UNC119: variants seen among roughly 807,000 people sequenced by gnomAD.
UNC119 encodes the protein unc-119 lipid binding chaperone, also known as protein unc-119 homolog A.
A neutral mutation model predicts 22.6 loss-of-function variants in UNC119; 15 were observed. The observed-to-expected ratio is 0.66, with a 90% CI of 0.44 to 1.02. The LOEUF (loss-of-function observed/expected upper bound fraction) is 1.02, where lower values mean the gene tolerates loss of function less well. UNC119 is among the 50% of genes least tolerant of loss of function. UNC119 has a pLI of 0.00. For synonymous variants in UNC119, 138 were observed against 139.4 expected, an observed-to-expected ratio of 0.99 and a Z score of 0.07; for missense variants, 322 against 336.0, an observed-to-expected ratio of 0.96 and a Z score of 0.33.
Position 28,548,675 on chromosome 17 carries a change from T to A in UNC119, c.251A>T (p.Tyr84Phe), listed in dbSNP as rs1307005588. Residue 84 changes from tyrosine (Y) to phenylalanine (F), a missense_variant, in exon 2 of 5, where the codon TAC (tyrosine) becomes TTC (phenylalanine). Coordinates refer to ENST00000335765, the MANE Select transcript of UNC119 (RefSeq NM_005148.4). ...DYLCSPEENI[Y>F]KIDFVRFKIR... ...CTTAAACCTGACAAAGTCGATCTTGTAGATATTCTCCTCAGGGGAGCAGAG... is the reference window on the plus strand; with the variant it reads ...CTTAAACCTGACAAAGTCGATCTTGAAGATATTCTCCTCAGGGGAGCAGAG... 2.5e-6 allele frequency: 4 copies of A among 1,614,146 alleles called. No individual in the cohort carries two copies. Among genetic ancestry groups the A allele is most frequent in the Non-Finnish European group, 3.4e-6 (4 of 1,180,006 alleles).
At chr17:28,547,544 G>A in intron 4 of UNC119, 133 bp downstream of exon 4, 1 of 1,591,780 alleles carries the variant, frequency 6.3e-7, no homozygotes, top group Non-Finnish European at 8.5e-7. Context: ...CGGATGATAT[G>A]GGAATGGTGG....
At position 28,552,328 on chromosome 17, in the gene UNC119, G is replaced by C. The variant is rs1472258898; in HGVS notation, c.220+10C>G. On this transcript the variant is annotated intron_variant, in intron 1 of 4. Transcript: ENST00000335765. ...CCACCCGCGGGCGGCGCTCCCTCGCGGGTGCTCACCACCGGTGATCCGCTG... is the reference window on the plus strand; with the variant it reads ...CCACCCGCGGGCGGCGCTCCCTCGCCGGTGCTCACCACCGGTGATCCGCTG... The C allele has an allele frequency of 6.5e-7, 1 of 1,532,700 alleles. No homozygotes were observed. Among genetic ancestry groups the C allele is most frequent in the Non-Finnish European group, 8.7e-7 (1 of 1,145,430 alleles). The allele number at this position is 1,532,700 out of a possible 1,614,324, so 94.9% of individuals were successfully genotyped here.
In UNC119 at chr17:28,552,338, C is replaced by T; in HGVS notation, c.220G>A (p.Asp74Asn). The change falls in exon 1 of 5, where the codon GAC becomes AAC. Residue 74 changes from aspartate (D) to asparagine (N), a missense_variant and splice_region_variant. By Grantham distance (23) the Asp-to-Asn change is conservative. Coordinates refer to ENST00000335765, the MANE Select transcript of UNC119 (RefSeq NM_005148.4). ...GCGGCGCTCCCTCGCGGGTGCTCACCACCGGTGATCCGCTGCAGCCCCAGC... is the reference window on the plus strand; with the variant it reads ...GCGGCGCTCCCTCGCGGGTGCTCACTACCGGTGATCCGCTGCAGCCCCAGC... ...DVLGLQRITG[D>N]YLCSPEENIY... 1 of 1,535,332 alleles carries T rather than the reference C, an allele frequency of 6.5e-7. No homozygotes were observed. Among genetic ancestry groups the T allele is most frequent in the Non-Finnish European group, 8.7e-7 (1 of 1,146,996 alleles).
At position 28,552,620 on chromosome 17, in the gene UNC119, G is replaced by T; in HGVS notation, c.-63C>A. On this transcript the variant is annotated 5_prime_UTR_variant, in exon 1 of 5. Transcript: ENST00000335765. ...GCTGCCTGCGCCGGCTGGAGCCGGGGGAAGTGGGAGCATCCGCAGCCCCGC... is the reference window on the plus strand; with the variant it reads ...GCTGCCTGCGCCGGCTGGAGCCGGGTGAAGTGGGAGCATCCGCAGCCCCGC... The T allele has an allele frequency of 1.4e-6, 2 of 1,408,988 alleles. No individual in the cohort carries two copies. The highest frequency in any genetic ancestry group is 1.9e-6 in the Non-Finnish European group (2 of 1,073,444). The allele number at this position is 1,408,988 out of a possible 1,614,324, so 87.3% of individuals were successfully genotyped here. A position where few individuals can be genotyped will look rare whatever the true frequency, so the allele number is the denominator to read the frequency against.
intron 1 of UNC119, chr17:28,552,022 T>A: frequency 3.5e-6 from 2 of 572,432 alleles, no homozygotes; most frequent in Non-Finnish European, 6.8e-6. Flanking sequence ...CTCTGGAGAC[T>A]CCACAGCTAC....
At chr17:28,548,514 T>C in intron 2 of UNC119, 78 bp downstream of exon 2, 1 of 1,244,872 alleles carries the variant, frequency 8.0e-7, no homozygotes, top group Non-Finnish European at 1.2e-6. Flanking sequence ...GACTCCTCTG[T>C]GGCCCAAGGA....
At chr17:28,547,638 C>A (rs367959553) in intron 4 of UNC119, 39 bp downstream of exon 4, 9 of 1,613,996 alleles carry the variant, frequency 5.6e-6, no homozygotes, top group South Asian at 3.3e-5. Flanking sequence ...TCTCTAGACG[C>A]CCCCACTTCC....
chr17:28,547,581 G>A, intron 4 of UNC119, 96 bp downstream of exon 4: 1 of 1,609,780 alleles, frequency 6.2e-7, no homozygotes, highest in Non-Finnish European at 8.5e-7. Context: ...CCAGGGTGGG[G>A]AGAAATGGGA....
At position 28,547,357 on chromosome 17, in the gene UNC119, G is replaced by GAAGTAGAAGCTGTCAGACTGGGTCTCAGA; in HGVS notation, c.662_663insTCTGAGACCCAGTCTGACAGCTTCTACTT (p.Val222LeufsTer16). 6.2e-7 allele frequency: 1 copy of GAAGTAGAAGCTGTCAGACTGGGTCTCAGA among 1,614,204 alleles called. No homozygotes were observed. The highest frequency in any genetic ancestry group is 1.1e-5 in the South Asian group (1 of 91,086). On this transcript the variant is annotated frameshift_variant, in exon 5 of 5. Coordinates refer to ENST00000335765, the MANE Select transcript of UNC119 (RefSeq NM_005148.4). LOFTEE classifies it high-confidence loss of function. ...TGTGCATCACCAGCCGGTCATCCAC[G>GAAGTAGAAGCTGTCAGACTGGGTCTCAGA]AAGTAGAAGCTGTCAGACTGGGTCT... is the stretch of plus-strand genomic sequence containing the variant.
intron 2 of UNC119, among the ~76,000 whole-genome samples, chr17:28,548,385 C>T (rs1340089453): frequency 2.6e-5 from 4 of 152,110 alleles, no homozygotes; most frequent in East Asian, 1.9e-4. Context: ...TGGCAGGGAC[C>T]GAAGGGGTAG....
intron 2 of UNC119, 84 bp downstream of exon 2, chr17:28,548,496 GCTCTGTGGACTC>G: frequency 9.5e-7 from 1 of 1,056,036 alleles, no homozygotes; most frequent in South Asian, 1.3e-5. Flanking sequence ...CCAAGCCCCA[GCTCTGTGGACTC>G]CTCTGTGGCC....
rs549540387 is a variant in UNC119 at position 28,551,663 on chromosome 17, G to A, written c.220+675C>T. On this transcript the variant is annotated intron_variant, in intron 1 of 4. Transcript: ENST00000335765. ...TGGCAGAGTTGGAACTCCAACCCAG[G>A]CAGTCCAGCTCAGAAACTCTTAACC... 5.9e-4 allele frequency: 90 copies of A among 153,488 alleles called. 2 individuals are homozygous for A. The South Asian group carries it at 8.5e-3, about 14-fold the overall frequency. The allele number at this position is 153,488 out of a possible 1,614,324, so 9.5% of individuals were successfully genotyped here.
chr17:28,547,084 G>A lies in UNC119; in HGVS notation c.*213C>T, dbSNP rs1484577123. 2 of 574,518 alleles carry A rather than the reference G, an allele frequency of 3.5e-6. No homozygotes were observed. The highest frequency in any genetic ancestry group is 3.1e-6 in the Non-Finnish European group (1 of 321,712). 35.6% of individuals were successfully genotyped at this position (574,518 alleles called of 1,614,324 possible). A position where few individuals can be genotyped will look rare whatever the true frequency, so the allele number is the denominator to read the frequency against. On this transcript the variant is annotated 3_prime_UTR_variant, in exon 5 of 5. Coordinates refer to ENST00000335765, the MANE Select transcript of UNC119 (RefSeq NM_005148.4). The stretch of plus-strand genomic sequence containing the variant: ...GCCTTCCTAGACGTGGAGGCAAACA[G>A]CCTCCCTACGACCCCACCCCATGTA...
intron 4 of UNC119, 118 bp from the exon 5 acceptor site, chr17:28,547,527 T>C (rs1298308471): frequency 1.3e-6 from 2 of 1,585,276 alleles, no homozygotes; most frequent in Non-Finnish European, 1.7e-6. Context: ...CCCAGCCTCT[T>C]TCTCTACGGA....
rs751502943 is a variant in UNC119, at chr17:28,547,996, C to T, written c.437+3G>A. ...CACCACCACCCATAGCCCAGCGACT[C>T]ACGTGGCTCCCACCTGCCTCAGGCG... On this transcript the variant is annotated splice_donor_region_variant and intron_variant, in intron 3 of 4. Transcript: ENST00000335765. The T allele has an allele frequency of 1.2e-6, 2 of 1,613,868 alleles. No individual in the cohort carries two copies. Among genetic ancestry groups the T allele is most frequent in the African/African-American group, 1.3e-5 (1 of 75,044 alleles).
chr17:28,552,055 C>T (rs1163482644), intron 1 of UNC119: 1 of 634,146 alleles, frequency 1.6e-6, no homozygotes, highest in Non-Finnish European at 3.0e-6. Context: ...GCAGCTGCTG[C>T]CGCACGTACC....
intron 1 of UNC119, chr17:28,549,893 A>T (rs1365241473): frequency 6.6e-6 from 1 of 152,196 alleles, no homozygotes; most frequent in East Asian, 1.9e-4. Context: ...GCACAGCATC[A>T]CATCCTCCCC....
rs1163433821 is a variant in UNC119 at position 28,547,659 on chromosome 17, A to G, written c.610+18T>C. ...GACGCCCCCACTTCCCCACTCCCAGAAGACCCTGCCCGCGCACTCAGCTCC... is the reference window on the plus strand; with the variant it reads ...GACGCCCCCACTTCCCCACTCCCAGGAGACCCTGCCCGCGCACTCAGCTCC... On this transcript the variant is annotated intron_variant, in intron 4 of 4. Coordinates refer to ENST00000335765, the MANE Select transcript of UNC119 (RefSeq NM_005148.4). 8.1e-6 allele frequency: 13 copies of G among 1,614,184 alleles called. No individual in the cohort carries two copies. Among genetic ancestry groups the G allele is most frequent in the Non-Finnish European group, 1.0e-5 (12 of 1,180,026 alleles).
chr17:28,551,846 CAA>C, intron 1 of UNC119: 1 of 230,042 alleles, frequency 4.3e-6, no homozygotes, highest in Non-Finnish European at 9.3e-6. Context: ...GAAAATGGCC[CAA>C]GTCTTCCTGG....
Sources: gnomAD v4.1 joint callset for allele counts (sites outside exome capture counted in the v4.1 genomes callset) on GRCh38, gnomAD v4.1.1 for gene constraint, MANE v1.5 for transcripts, NCBI Gene and HGNC (gene_info 2026-07-23, HGNC 2026-07-21) for gene names.